EPRS1: variants seen among roughly 807,000 people sequenced by gnomAD.
The protein encoded by EPRS1 is glutamyl-prolyl-tRNA synthetase 1.
Under a neutral mutation model 188.3 loss-of-function variants are expected in EPRS1, and 107 were observed. The ratio of observed to expected loss-of-function variants is 0.57; its 90% CI spans 0.49 to 0.67. The LOEUF (loss-of-function observed/expected upper bound fraction) is 0.67, where lower values mean the gene tolerates loss of function less well. Ranked by LOEUF, EPRS1 falls within the 30% of genes least tolerant of loss-of-function variation. The probability of loss-of-function intolerance (pLI) is 0.00; values close to 1 mark genes in which losing one functional copy is unlikely to be tolerated. For synonymous variants in EPRS1, 596 were observed against 593.1 expected (o/e 1.00, Z -0.07); for missense variants, 1,577 against 1,802.2 (o/e 0.88, Z 2.26).
At chr1:219,976,041 A>G (rs1660774905) in intron 28 of EPRS1, among the ~76,000 whole-genome samples, 1 of 152,182 alleles carries the variant, frequency 6.6e-6, no homozygotes, top group Non-Finnish European at 1.5e-5. Flanking sequence ...AGCCTACAAC[A>G]TCTTGTGCCA....
At chr1:220,016,733 A>G (rs1243291678) in intron 12 of EPRS1, among the ~76,000 whole-genome samples, 1 of 33,866 alleles carries the variant, frequency 3.0e-5, no homozygotes, top group Non-Finnish European at 4.6e-5. Context: ...TTTTTAACAG[A>G]AAAACAAAAA....
intron 11 of EPRS1, 99 bp from the exon 12 acceptor site, chr1:220,018,607 C>T (rs1261662677): frequency 2.1e-5 from 15 of 722,248 alleles, no homozygotes; most frequent in Middle Eastern, 3.9e-4. Context: ...AAAAAAAACT[C>T]GATAAATACT....
At chr1:219,985,466 C>T (rs1219097798) in intron 20 of EPRS1, among the ~76,000 whole-genome samples, 2 of 152,174 alleles carry the variant, frequency 1.3e-5, no homozygotes, top group African/African-American at 4.8e-5. Flanking sequence ...AATCTAGACT[C>T]ACTGCAACCT....
intron 4 of EPRS1, among the ~76,000 whole-genome samples, chr1:220,032,776 G>A (rs1662111065): frequency 6.6e-6 from 1 of 152,094 alleles, no homozygotes; most frequent in South Asian, 2.1e-4. Context: ...CTGGTTTCTT[G>A]GGACCTGGTG....
At chr1:219,996,494 C>A (rs1661234162) in intron 18 of EPRS1, among the ~76,000 whole-genome samples, 1 of 152,288 alleles carries the variant, frequency 6.6e-6, no homozygotes, top group Middle Eastern at 3.4e-3. Context: ...GAATCTACTG[C>A]AGAAGAAAGT....
chr1:219,980,537 T>G (rs1163523458), intron 25 of EPRS1, among the ~76,000 whole-genome samples: 1 of 152,212 alleles, frequency 6.6e-6, no homozygotes, highest in African/African-American at 2.4e-5. Context: ...AAAATAATTT[T>G]TTCTACACAT....
intron 14 of EPRS1, 35 bp downstream of exon 14, chr1:220,007,167 C>G (rs1327988098): frequency 6.4e-7 from 1 of 1,555,972 alleles, no homozygotes; most frequent in Non-Finnish European, 8.8e-7. Context: ...TACTTTTCTC[C>G]TATGTTTATT....
intron 2 of EPRS1, among the ~76,000 whole-genome samples, chr1:220,036,956 T>C (rs1662193217): frequency 6.7e-6 from 1 of 149,992 alleles, no homozygotes. Flanking sequence ...AAAAACATAA[T>C]AGCCAAAATT....
intron 27 of EPRS1, among the ~76,000 whole-genome samples, chr1:219,978,962 ATATT>A (rs767146476): frequency 4.2e-4 from 18 of 42,374 alleles, no homozygotes; most frequent in African/African-American, 8.8e-4. Flanking sequence ...ATATATATAT[ATATT>A]TTTTTTTCCC....
rs1660823561 is a variant in EPRS1, at chr1:219,978,596, A to C, written c.4033T>G (p.Leu1345Val). 1.2e-6 allele frequency: 2 copies of C among 1,602,598 alleles called. No homozygotes were observed. The highest frequency in any genetic ancestry group is 1.3e-5 in the African/African-American group (1 of 74,542). ...LSVNIRVRAD[L>V]RDNYSPGWKF... ...CAACCTGGAGAATAATTATCTCGTA[A>C]ATCAGCTCTAACGCGGATGTTAACA... The change falls in exon 28 of 32, where the codon TTA becomes GTA. Residue 1345 changes from leucine to valine, a missense_variant. By Grantham distance (32) the Leu-to-Val change is conservative. Transcript: ENST00000366923.
Position 220,042,037 on chromosome 1 carries a change from T to A in EPRS1, c.47-1768A>T, listed in dbSNP as rs553199538. On this transcript the variant is annotated intron_variant, in intron 1 of 31. Coordinates refer to ENST00000366923, the MANE Select transcript of EPRS1 (RefSeq NM_004446.3). ...TCTACTAAAAATACTAAAAATTAGC[T>A]GGGCGTGGCAGCACAGGCCTGTAGT... Among the ~76,000 whole-genome samples, 160 of 151,402 alleles carry A rather than the reference T, an allele frequency of 1.1e-3. 1 individual carries two copies. The Middle Eastern group carries it at 0.018, about 17-fold the overall frequency.
intron 20 of EPRS1, among the ~76,000 whole-genome samples, chr1:219,985,632 T>C (rs1424502747): frequency 6.6e-6 from 1 of 152,116 alleles, no homozygotes; most frequent in Non-Finnish European, 1.5e-5. Flanking sequence ...CTCAAACTCC[T>C]GACCTCAAGC....
intron 12 of EPRS1, among the ~76,000 whole-genome samples, chr1:220,014,517 T>C (rs1447207229): frequency 6.6e-6 from 1 of 152,154 alleles, no homozygotes; most frequent in African/African-American, 2.4e-5. Flanking sequence ...GAAAGGGTAC[T>C]GCACGAGAGA....
rs533056646 is a variant in EPRS1 at position 220,024,168 on chromosome 1, C to A, written c.943+96G>T. ...CTCCTTCTCAAAACAAACAAACAAA[C>A]AAAAAAACTAGCAGCTTTCACAAAA... On this transcript the variant is annotated intron_variant, in intron 8 of 31. Transcript: ENST00000366923. 3.5e-5 allele frequency: 30 copies of A among 867,252 alleles called. No homozygotes were observed. The African/African-American group carries it at 4.5e-4, about 13-fold the overall frequency. 53.7% of individuals were successfully genotyped at this position (867,252 alleles called of 1,614,324 possible).
At chr1:219,976,479 G>A (rs1660782743) in intron 28 of EPRS1, among the ~76,000 whole-genome samples, 1 of 152,206 alleles carries the variant, frequency 6.6e-6, no homozygotes. Context: ...GTATTATGTA[G>A]GAGAATATGT....
chr1:220,032,294 T>C, intron 5 of EPRS1, 93 bp downstream of exon 5: 1 of 984,098 alleles, frequency 1.0e-6, no homozygotes, highest in Non-Finnish European at 1.5e-6. Context: ...CACCGTGTTA[T>C]TCAGGATGGT....
At chr1:219,993,439 G>A (rs993452472) in intron 18 of EPRS1, among the ~76,000 whole-genome samples, 5 of 152,058 alleles carry the variant, frequency 3.3e-5, no homozygotes, top group Admixed American at 6.5e-5. Flanking sequence ...TTACTTGCCC[G>A]TCTTTTTGCT....
intron 16 of EPRS1, 28 bp downstream of exon 16, chr1:220,005,220 A>C (rs1382526791): frequency 9.6e-7 from 1 of 1,042,560 alleles, no homozygotes. Context: ...AAGCATTTTC[A>C]TTTAGACGTT....
intron 9 of EPRS1, among the ~76,000 whole-genome samples, chr1:220,021,557 G>A (rs1661878795): frequency 1.3e-5 from 2 of 152,118 alleles, no homozygotes; most frequent in Non-Finnish European, 2.9e-5. Context: ...ATTATGCTTT[G>A]CAATTATTTG....
Sources: gnomAD v4.1 joint callset for allele counts (sites outside exome capture counted in the v4.1 genomes callset) on GRCh38, gnomAD v4.1.1 for gene constraint, MANE v1.5 for transcripts, NCBI Gene and HGNC (gene_info 2026-07-23, HGNC 2026-07-21) for gene names.